Variants in DCHS2 observed in about 807,000 individuals in gnomAD.
The protein encoded by DCHS2 is dachsous cadherin-related 2.
In DCHS2, 142 loss-of-function variants were observed where a neutral mutation model predicts 182.4. The observed-to-expected ratio is 0.78, with a 90% CI of 0.68 to 0.89. The LOEUF is 0.89. Among genes scored for constraint, DCHS2 ranks in the 40% least tolerant of loss-of-function variants. The pLI is 0.00. For synonymous variants in DCHS2, 1,740 were observed against 1,663.3 expected (o/e 1.05, Z -1.12); for missense variants, 4,319 against 4,198.6 (o/e 1.03, Z -0.79).
rs1578940815 is a variant in DCHS2 at position 154,303,885 on chromosome 4, C to T, written c.5605+784G>A. Among the ~76,000 whole-genome samples the T allele has an allele frequency of 2.0e-5, 3 of 152,230 alleles. No homozygotes were observed. The South Asian group carries it at 6.2e-4, about 32-fold the overall frequency. Reference sequence around the variant, plus strand: ...CACTGATTGTTGTCTTGCAAATACACCTTTTCTGCATTTCAGAATTCCTTA... The same window carrying T: ...CACTGATTGTTGTCTTGCAAATACATCTTTTCTGCATTTCAGAATTCCTTA... On this transcript the variant is annotated intron_variant, in intron 12 of 19. Coordinates refer to ENST00000357232, the MANE Select transcript of DCHS2 (RefSeq NM_001358235.2).
intron 14 of DCHS2, among the ~76,000 whole-genome samples, chr4:154,265,709 A>C (rs185421855): frequency 1.3e-5 from 2 of 152,328 alleles, no homozygotes; most frequent in African/African-American, 4.8e-5. Context: ...TGTGTATGTT[A>C]ATTGGCTCAA....
At chr4:154,487,047 A>C (rs1728616156) in intron 1 of DCHS2, among the ~76,000 whole-genome samples, 1 of 152,216 alleles carries the variant, frequency 6.6e-6, no homozygotes, top group Non-Finnish European at 1.5e-5. Flanking sequence ...TCTCACGATG[A>C]TAGAAACAAC....
intron 14 of DCHS2, among the ~76,000 whole-genome samples, chr4:154,263,062 C>G (rs548341315): frequency 6.6e-6 from 1 of 152,214 alleles, no homozygotes; most frequent in South Asian, 2.1e-4. Flanking sequence ...ACTTATTAAA[C>G]TAATTACTAA....
At chr4:154,384,582 A>C in intron 1 of DCHS2, 1 of 1,475,240 alleles carries the variant, frequency 6.8e-7, no homozygotes, top group Non-Finnish European at 9.0e-7. Flanking sequence ...CTTATATGGC[A>C]ACAGACATGA....
intron 1 of DCHS2, among the ~76,000 whole-genome samples, chr4:154,391,783 G>A (rs112675265): frequency 3.3e-5 from 5 of 152,266 alleles, no homozygotes; most frequent in African/African-American, 1.2e-4. Context: ...CCATCAATGT[G>A]AACAGCAGGA....
At chr4:154,420,246 C>CAGATAGGT (rs1733051217) in intron 1 of DCHS2, among the ~76,000 whole-genome samples, 1 of 144,748 alleles carries the variant, frequency 6.9e-6, no homozygotes, top group East Asian at 2.1e-4. Context: ...GACAGACAGA[C>CAGATAGGT]AGATAGATAG....
At chr4:154,442,741 C>T (rs991225253) in intron 1 of DCHS2, among the ~76,000 whole-genome samples, 2 of 152,060 alleles carry the variant, frequency 1.3e-5, no homozygotes, top group African/African-American at 4.8e-5. Flanking sequence ...GAGACACAAG[C>T]TACCTCTCCT....
chr4:154,329,753 A>C (rs761891790), intron 5 of DCHS2, 43 bp from the exon 6 acceptor site: 8 of 1,539,218 alleles, frequency 5.2e-6, no homozygotes, highest in Middle Eastern at 4.8e-4. Flanking sequence ...ACTGTGTACC[A>C]GGCGCACCAG....
chr4:154,411,110 T>G (rs1001361263), intron 1 of DCHS2, among the ~76,000 whole-genome samples: 1 of 152,204 alleles, frequency 6.6e-6, no homozygotes, highest in African/African-American at 2.4e-5. Flanking sequence ...GAGAACATTA[T>G]GCTAAATCAA....
At chr4:154,371,236 A>G (rs1361912929) in intron 2 of DCHS2, among the ~76,000 whole-genome samples, 1 of 151,964 alleles carries the variant, frequency 6.6e-6, no homozygotes, top group African/African-American at 2.4e-5. Context: ...TATCTATGGT[A>G]TAGTCAGACA....
chr4:154,428,458 C>T (rs1270346463), intron 1 of DCHS2, among the ~76,000 whole-genome samples: 2 of 151,484 alleles, frequency 1.3e-5, no homozygotes, highest in Non-Finnish European at 2.9e-5. Flanking sequence ...AGGATTGCTT[C>T]AGTCTAGGAG....
At chr4:154,466,918 T>C (rs973861630) in intron 1 of DCHS2, among the ~76,000 whole-genome samples, 1 of 152,208 alleles carries the variant, frequency 6.6e-6, no homozygotes, top group African/African-American at 2.4e-5. Context: ...GGCATATAAG[T>C]AATACTTGGT....
intron 1 of DCHS2, among the ~76,000 whole-genome samples, chr4:154,430,472 G>C (rs536381890): frequency 1.3e-5 from 2 of 152,110 alleles, no homozygotes; most frequent in African/African-American, 4.8e-5. Flanking sequence ...ACCCAAGGCA[G>C]GATAAAATTA....
intron 9 of DCHS2, among the ~76,000 whole-genome samples, chr4:154,320,039 G>T (rs1211000505): frequency 1.3e-5 from 2 of 152,138 alleles, no homozygotes; most frequent in Admixed American, 6.5e-5. Context: ...AGATGTGACA[G>T]TATGGATAAA....
At chr4:154,452,700 A>G (rs1293909280) in intron 1 of DCHS2, among the ~76,000 whole-genome samples, 1 of 152,240 alleles carries the variant, frequency 6.6e-6, no homozygotes, top group African/African-American at 2.4e-5. Flanking sequence ...TCAAATGTGA[A>G]AAATCTAAAT....
At chr4:154,429,153 C>G (rs1733458697) in intron 1 of DCHS2, among the ~76,000 whole-genome samples, 1 of 152,162 alleles carries the variant, frequency 6.6e-6, no homozygotes, top group Non-Finnish European at 1.5e-5. Context: ...TGTCTCTAAT[C>G]TGGCTTATGC....
rs149007702 is a variant in DCHS2 at position 154,305,249 on chromosome 4, G to T, written c.5261-18C>A. On this transcript the variant is annotated intron_variant, in intron 10 of 19. Transcript: ENST00000357232. ...ATTGACTCCTTAAGAAAAATATAAA[G>T]AAAAACTTAGCAATCATTTCTTTGA... The T allele has an allele frequency of 2.7e-5, 43 of 1,598,246 alleles. No individual in the cohort carries two copies. Among genetic ancestry groups the T allele is most frequent in the Non-Finnish European group, 3.5e-5 (41 of 1,174,302 alleles).
chr4:154,367,975 A>G (rs1367443797), intron 2 of DCHS2, among the ~76,000 whole-genome samples: 2 of 152,158 alleles, frequency 1.3e-5, no homozygotes, highest in African/African-American at 4.8e-5. Context: ...GGACTAAAAA[A>G]TGATGGGGAA....
rs765380471 is a variant in DCHS2 at position 154,241,080 on chromosome 4, C to A, written c.7073-257G>T. On this transcript the variant is annotated intron_variant, in intron 17 of 19. Transcript: ENST00000357232. Reference sequence around the variant, plus strand: ...TTCAATTTTTATATTACATTATTTTCATTATATGCTTACAACACAATTCCA... The same window carrying A: ...TTCAATTTTTATATTACATTATTTTAATTATATGCTTACAACACAATTCCA... 2.6e-5 allele frequency among the ~76,000 whole-genome samples: 4 copies of A among 152,178 alleles called. No individual in the cohort carries two copies. In the East Asian group the frequency reaches 7.7e-4, roughly 29 times the overall value.
Sources: gnomAD v4.1 joint callset for allele counts (sites outside exome capture counted in the v4.1 genomes callset) on GRCh38, gnomAD v4.1.1 for gene constraint, MANE v1.5 for transcripts, NCBI Gene and HGNC (gene_info 2026-07-23, HGNC 2026-07-21) for gene names.